Variants in RABGAP1L observed in about 807,000 individuals in gnomAD.
The protein encoded by RABGAP1L is rab GTPase-activating protein 1-like.
A neutral mutation model predicts 137.7 loss-of-function variants in RABGAP1L; 63 were observed. The ratio of observed to expected loss-of-function variants is 0.46; its 90% CI spans 0.37 to 0.56. The LOEUF (loss-of-function observed/expected upper bound fraction) is 0.56, where lower values mean the gene tolerates loss of function less well. RABGAP1L is among the 20% of genes least tolerant of loss of function. The probability of loss-of-function intolerance (pLI) is 0.00; values close to 1 mark genes in which losing one functional copy is unlikely to be tolerated. For synonymous variants in RABGAP1L, 431 were observed against 433.7 expected, an observed-to-expected ratio of 0.99 and a Z score of 0.08; for missense variants, 1,095 against 1,244.0, an observed-to-expected ratio of 0.88 and a Z score of 1.80.
chr1:174,679,457 T>A (rs73026437), intron 14 of RABGAP1L, among the ~76,000 whole-genome samples: 2,385 of 152,362 alleles, frequency 0.016, 66 homozygotes, highest in African/African-American at 0.055. Flanking sequence ...ATGGAAAATC[T>A]GTAGCTAACA....
intron 18 of RABGAP1L, among the ~76,000 whole-genome samples, chr1:174,810,501 GCTTCCTGCC>G (rs1368752360): frequency 1.3e-5 from 2 of 152,144 alleles, no homozygotes; most frequent in African/African-American, 4.8e-5. Context: ...AATTTCTCTG[GCTTCCTGCC>G]TACTTTTTCA....
chr1:174,934,005 AC>A (rs1430039874), intron 19 of RABGAP1L, among the ~76,000 whole-genome samples: 1 of 152,256 alleles, frequency 6.6e-6, no homozygotes, highest in East Asian at 1.9e-4. Context: ...TTAAAGCCTT[AC>A]AGTTAATAAA....
At chr1:174,623,885 A>G (rs1019599678) in intron 13 of RABGAP1L, among the ~76,000 whole-genome samples, 1 of 152,192 alleles carries the variant, frequency 6.6e-6, no homozygotes, top group African/African-American at 2.4e-5. Flanking sequence ...GCAAAGGCCA[A>G]ACTTCTCTTT....
At chr1:174,875,022 C>G (rs1198891479) in intron 19 of RABGAP1L, among the ~76,000 whole-genome samples, 4 of 152,144 alleles carry the variant, frequency 2.6e-5, no homozygotes, top group African/African-American at 9.7e-5. Context: ...TAGAGGACCA[C>G]TTGGGTTTAG....
intron 19 of RABGAP1L, among the ~76,000 whole-genome samples, chr1:174,857,437 A>G (rs561084720): frequency 6.6e-6 from 1 of 152,194 alleles, no homozygotes; most frequent in Non-Finnish European, 1.5e-5. Context: ...TTAGGCTTTC[A>G]TTTCCCCAGC....
In RABGAP1L at chr1:174,298,916, A is replaced by G. The variant is rs368458918; in HGVS notation, c.1324-6070A>G. Among the ~76,000 whole-genome samples the G allele has an allele frequency of 2.6e-3, 394 of 152,354 alleles. 26 individuals carry two copies. The South Asian group carries it at 0.081, about 31-fold the overall frequency. On this transcript the variant is annotated intron_variant, in intron 10 of 25. Transcript: ENST00000681986. ...TGTTCTTTCTGAGCTGCAGCCAGAA[A>G]TTGCTGGTTAGTTCACAGGAACAAG...
At chr1:174,288,893 G>T (rs1162761769) in intron 10 of RABGAP1L, among the ~76,000 whole-genome samples, 1 of 151,944 alleles carries the variant, frequency 6.6e-6, no homozygotes, top group African/African-American at 2.4e-5. Context: ...TTCACTCTTT[G>T]TTTGTTTGTT....
chr1:174,243,760 A>G lies in RABGAP1L; in HGVS notation c.717+2103A>G, dbSNP rs567005964. Among the ~76,000 whole-genome samples the G allele has an allele frequency of 8.5e-5, 13 of 152,240 alleles. No homozygotes were observed. The South Asian group carries it at 2.7e-3, about 32-fold the overall frequency. ...ACTAATACCCTCATTTTTATTCTCA[A>G]AAGTGTTGTGGTTTGGATGATAAAT... On this transcript the variant is annotated intron_variant, in intron 5 of 25. Transcript: ENST00000681986.
chr1:174,237,216 C>G (rs1384624335), intron 4 of RABGAP1L, among the ~76,000 whole-genome samples: 1 of 146,716 alleles, frequency 6.8e-6, no homozygotes, highest in Non-Finnish European at 1.5e-5. Flanking sequence ...GGTCTTGACT[C>G]TTTATCCAAT....
intron 1 of RABGAP1L, among the ~76,000 whole-genome samples, chr1:174,173,341 G>C (rs1049519991): frequency 2.0e-5 from 3 of 151,776 alleles, no homozygotes; most frequent in Non-Finnish European, 4.4e-5. Flanking sequence ...TGTTGGTCAG[G>C]CTGGTCTCAA....
chr1:174,474,961 TAAAGA>T (rs928872245), intron 13 of RABGAP1L, among the ~76,000 whole-genome samples: 28 of 152,090 alleles, frequency 1.8e-4, no homozygotes, highest in African/African-American at 6.5e-4. Context: ...TTATGATAAA[TAAAGA>T]AATGACATAT....
intron 11 of RABGAP1L, among the ~76,000 whole-genome samples, chr1:174,344,580 A>G (rs986027020): frequency 6.6e-6 from 1 of 152,188 alleles, no homozygotes; most frequent in Non-Finnish European, 1.5e-5. Context: ...TTTTCAGTGA[A>G]TCTTTGAATT....
intron 1 of RABGAP1L, among the ~76,000 whole-genome samples, chr1:174,181,755 A>G (rs1666388790): frequency 6.6e-6 from 1 of 152,194 alleles, no homozygotes. Flanking sequence ...AAGAGAGAGT[A>G]TGTGTGTAAG....
At chr1:174,936,641 A>G (rs1335916561) in intron 19 of RABGAP1L, among the ~76,000 whole-genome samples, 1 of 152,128 alleles carries the variant, frequency 6.6e-6, no homozygotes, top group African/African-American at 2.4e-5. Flanking sequence ...ATTGGCAGAT[A>G]TATGTTTTGA....
At chr1:174,783,085 A>C (rs1391207502) in intron 18 of RABGAP1L, among the ~76,000 whole-genome samples, 2 of 151,896 alleles carry the variant, frequency 1.3e-5, no homozygotes, top group African/African-American at 2.4e-5. Context: ...TCACTGCTGA[A>C]TGCTACCATC....
chr1:174,376,879 G>T (rs1215671595), intron 12 of RABGAP1L, among the ~76,000 whole-genome samples: 1 of 152,032 alleles, frequency 6.6e-6, no homozygotes, highest in Non-Finnish European at 1.5e-5. Flanking sequence ...GAAATAAAAG[G>T]CAAACAAGAT....
intron 13 of RABGAP1L, among the ~76,000 whole-genome samples, chr1:174,479,680 T>C (rs1658886800): frequency 6.6e-6 from 1 of 152,206 alleles, no homozygotes; most frequent in African/African-American, 2.4e-5. Flanking sequence ...TTCTTTTCTA[T>C]TCCGTTGCTT....
intron 23 of RABGAP1L, among the ~76,000 whole-genome samples, chr1:174,981,146 G>A (rs1229089135): frequency 6.6e-6 from 1 of 152,092 alleles, no homozygotes; most frequent in African/African-American, 2.4e-5. Context: ...ATATTATCTG[G>A]CAAGCCCTTG....
chr1:174,757,072 C>T, intron 18 of RABGAP1L: 1 of 520,918 alleles, frequency 1.9e-6, no homozygotes, highest in South Asian at 1.5e-5. Context: ...CTGGCTTTTC[C>T]CCCACGGACT....
Sources: allele counts gnomAD v4.1 joint callset (sites outside exome capture counted in the v4.1 genomes callset), GRCh38; gene constraint gnomAD v4.1.1; transcripts MANE v1.5; gene names NCBI Gene and HGNC (gene_info 2026-07-23, HGNC 2026-07-21).